CIZ1: variants seen among roughly 807,000 people sequenced by gnomAD.
CIZ1 encodes the protein CDKN1A interacting zinc finger protein 1.
Under a neutral mutation model 118.6 loss-of-function variants are expected in CIZ1, and 58 were observed. That is an observed-to-expected ratio of 0.49 (90% CI 0.40 to 0.61). The LOEUF is 0.61. Among genes scored for constraint, CIZ1 ranks in the 20% least tolerant of loss-of-function variants. The probability of loss-of-function intolerance (pLI) is 0.00; values close to 1 mark genes in which losing one functional copy is unlikely to be tolerated. For missense variants in CIZ1, 921 were observed against 1,115.9 expected (o/e 0.83, Z 2.49); for synonymous variants, 448 against 443.4 (o/e 1.01, Z -0.13).
chr9:128,170,067 A>G lies in CIZ1; in HGVS notation c.1984T>C (p.Tyr662His), dbSNP rs1163602121. Residue 662 changes from tyrosine to histidine, a missense_variant, in exon 12 of 17, where the codon TAC (tyrosine) becomes CAC (histidine). Tyr to His is a moderately conservative substitution (Grantham distance 83, BLOSUM62 2). Transcript: ENST00000372938. The part of the protein sequence containing the change: ...PRRWCNTCQL[Y>H]YMGDLIQHRR... ...TGTTGGATCAGGTCCCCCATGTAGT[A>G]GAGCTGGCAGGTGTTGCACCAGCGC... 6.2e-7 allele frequency: 1 copy of G among 1,614,082 alleles called. No homozygotes were observed. The highest frequency in any genetic ancestry group is 2.2e-5 in the East Asian group (1 of 44,884).
upstream of CIZ1, chr9:128,191,897 C>A (rs953423021): frequency 3.5e-6 from 5 of 1,441,618 alleles, no homozygotes; most frequent in Non-Finnish European, 3.7e-6. This position sits in a 1 kb window ranked among gnomAD's most constrained non-coding sequence, Gnocchi z 5.5. Context: ...GGGCCCCGCG[C>A]GGGGCTGCGG....
chr9:128,201,690 A>C (rs1833524433), intron 1 of CIZ1, among the ~76,000 whole-genome samples: 1 of 152,174 alleles, frequency 6.6e-6, no homozygotes, highest in Non-Finnish European at 1.5e-5. Flanking sequence ...GCATCCTCAC[A>C]GCTGCAGCTT....
rs960228254 is a variant in CIZ1, at chr9:128,180,768, G to C, written c.635C>G (p.Pro212Arg). The C allele has an allele frequency of 6.2e-7, 1 of 1,610,962 alleles. No individual in the cohort carries two copies. The highest frequency in any genetic ancestry group is 1.3e-5 in the African/African-American group (1 of 74,660). Reference protein sequence around the residue: ...TMPVEDKSDPPEGSEEAAEPR... With the variant: ...TMPVEDKSDPREGSEEAAEPR... ...CTCTGCGGCTTCCTCAGACCCCTCT[G>C]GGGGGTCTGACTTGTCTTCCACAGG... Residue 212 changes from proline to arginine, a missense_variant, in exon 6 of 17, where the codon CCA becomes CGA. Coordinates refer to ENST00000372938, the MANE Select transcript of CIZ1 (RefSeq NM_001131016.2).
Position 128,190,436 on chromosome 9 carries a change from G to A in CIZ1, c.179C>T (p.Pro60Leu). 2 of 1,612,012 alleles carry A rather than the reference G, an allele frequency of 1.2e-6. No homozygotes were observed. Among genetic ancestry groups the A allele is most frequent in the Non-Finnish European group, 8.5e-7 (1 of 1,178,714 alleles). ...AAGCGGCTGCTGTGGCTGCTGCGGG[G>A]GGAGCCCCCTGTGTGTTGGGAGGGG... The part of the protein sequence containing the change: ...PLPMAVSRGL[P>L]PQQPQQPLLN... The change falls in exon 3 of 17, where the codon CCC (proline) becomes CTC (leucine). Residue 60 changes from proline (P) to leucine (L), a missense_variant. By Grantham distance (98) the Pro-to-Leu change is moderately conservative (BLOSUM62 -3). Transcript: ENST00000372938.
chr9:128,182,887 G>A (rs890104432), intron 5 of CIZ1, among the ~76,000 whole-genome samples: 1 of 151,950 alleles, frequency 6.6e-6, no homozygotes, highest in African/African-American at 2.4e-5. Context: ...GCCTTCCATA[G>A]TGCTGGGATT....
intron 7 of CIZ1, among the ~76,000 whole-genome samples, chr9:128,179,850 T>C (rs536148472): frequency 6.6e-6 from 1 of 151,940 alleles, no homozygotes; most frequent in African/African-American, 2.4e-5. Context: ...TTTTGTACTT[T>C]TAGTAGAGAC....
chr9:128,177,548 T>C lies in CIZ1; in HGVS notation c.1818+18A>G, dbSNP rs1258886762. ...CGCAGGCCCCACCCCTCCCCACCCT[T>C]ATCTCCTGTATCAGTACCTGCTGGC... On this transcript the variant is annotated intron_variant, in intron 10 of 16. Transcript: ENST00000372938. The C allele has an allele frequency of 1.3e-5, 6 of 460,864 alleles. No homozygotes were observed. The highest frequency in any genetic ancestry group is 1.4e-4 in the East Asian group (2 of 13,938). 28.5% of individuals were successfully genotyped at this position (460,864 alleles called of 1,614,324 possible).
intron 10 of CIZ1, among the ~76,000 whole-genome samples, chr9:128,177,069 T>C (rs1410250328): frequency 2.0e-5 from 3 of 152,142 alleles, no homozygotes; most frequent in Non-Finnish European, 4.4e-5. Context: ...CACATATTTT[T>C]AGTAGAGACG....
intron 3 of CIZ1, among the ~76,000 whole-genome samples, chr9:128,188,229 CAAATCCTATGGT>C: frequency 6.6e-6 from 1 of 151,552 alleles, no homozygotes; most frequent in South Asian, 2.1e-4. Context: ...CACAGATGAT[CAAATCCTATGGT>C]AAACGATCAT....
intron 11 of CIZ1, among the ~76,000 whole-genome samples, chr9:128,175,462 G>A (rs1241423786): frequency 3.9e-5 from 6 of 152,118 alleles, no homozygotes; most frequent in Admixed American, 2.6e-4. Flanking sequence ...TGCAGAGCGA[G>A]AGCCCCCTGT....
At chr9:128,177,035 G>C (rs1830946965) in intron 10 of CIZ1, among the ~76,000 whole-genome samples, 1 of 152,158 alleles carries the variant, frequency 6.6e-6, no homozygotes, top group Admixed American at 6.5e-5. Flanking sequence ...CTCCTGAGTA[G>C]CTGGGATTAC....
chr9:128,184,811 G>A (rs1832141158), intron 5 of CIZ1, among the ~76,000 whole-genome samples: 1 of 152,010 alleles, frequency 6.6e-6, no homozygotes, highest in East Asian at 1.9e-4. Flanking sequence ...AGGATTACAG[G>A]CATGCACCAC....
intron 2 of CIZ1, 103 bp from the exon 3 acceptor site, chr9:128,190,547 A>G (rs1833002420): frequency 1.5e-6 from 2 of 1,357,782 alleles, no homozygotes; most frequent in East Asian, 5.0e-5. Context: ...TGTGGTAGAC[A>G]GAGGACCCCT....
intron 11 of CIZ1, among the ~76,000 whole-genome samples, chr9:128,175,630 C>T (rs997001273): frequency 2.6e-5 from 4 of 152,170 alleles, no homozygotes; most frequent in African/African-American, 2.4e-5. Flanking sequence ...ATTTGCTCTC[C>T]GTAGGGTTTG....
intron 5 of CIZ1, among the ~76,000 whole-genome samples, chr9:128,185,005 G>A (rs1390771021): frequency 2.6e-5 from 4 of 152,116 alleles, no homozygotes; most frequent in Non-Finnish European, 5.9e-5. Flanking sequence ...TAAGCTGGGC[G>A]CAGTGGCTCA....
chr9:128,190,562 G>T, intron 2 of CIZ1, 118 bp from the exon 3 acceptor site: 3 of 1,372,492 alleles, frequency 2.2e-6, no homozygotes, highest in Non-Finnish European at 3.0e-6. Flanking sequence ...ACCCCTTGGG[G>T]CTGGAATTGG....
rs773206847 is a variant in CIZ1 at position 128,185,634 on chromosome 9, G to A, written c.501C>T (p.Val167=). The A allele has an allele frequency of 3.2e-6, 5 of 1,574,062 alleles. No individual in the cohort carries two copies. In the Admixed American group the frequency reaches 7.1e-5, roughly 22 times the overall value. The change falls in exon 5 of 17, where the codon GTC becomes GTT. Residue 167 remains valine, a synonymous_variant. Transcript: ENST00000372938. Reference sequence around the variant, plus strand: ...GGTTGAACTGGGAAGGGTTCATGGGGACCCCAACAGGAGGAGGTCCCAGCA... The same window carrying A: ...GGTTGAACTGGGAAGGGTTCATGGGAACCCCAACAGGAGGAGGTCCCAGCA... ...QSLLGPPPVG[V]PMNPSQFNLS...
At chr9:128,193,404 G>A (rs1161628337), upstream of CIZ1, among the ~76,000 whole-genome samples, 1 of 152,096 alleles carries the variant, frequency 6.6e-6, no homozygotes, top group Non-Finnish European at 1.5e-5. Flanking sequence ...GGAGAGAGGG[G>A]CGAGTCAAGA....
At chr9:128,201,300 A>G (rs1422594611) in intron 1 of CIZ1, among the ~76,000 whole-genome samples, 1 of 148,784 alleles carries the variant, frequency 6.7e-6, no homozygotes, top group Non-Finnish European at 1.5e-5. Flanking sequence ...AAATACAAAA[A>G]TTAGCTAGGA....
Sources: allele counts gnomAD v4.1 joint callset (sites outside exome capture counted in the v4.1 genomes callset), GRCh38; gene constraint gnomAD v4.1.1; non-coding constraint Gnocchi (gnomAD v3.1); transcripts MANE v1.5; gene names NCBI Gene and HGNC (gene_info 2026-07-23, HGNC 2026-07-21).